Variants in TBC1D23 observed in about 807,000 individuals in gnomAD.
TBC1D23 encodes the protein HCV non-structural protein 4A-transactivated protein 1.
TBC1D23 carries 55 observed loss-of-function variants against 91.4 expected under a neutral mutation model. The ratio of observed to expected loss-of-function variants is 0.60; its 90% CI spans 0.48 to 0.75. The LOEUF (loss-of-function observed/expected upper bound fraction) is 0.75, where lower values mean the gene tolerates loss of function less well. Among genes scored for constraint, TBC1D23 ranks in the 30% least tolerant of loss-of-function variants. The probability of loss-of-function intolerance (pLI) is 0.00; values close to 1 mark genes in which losing one functional copy is unlikely to be tolerated. For missense variants in TBC1D23, 725 were observed against 836.1 expected (o/e 0.87, Z 1.64); for synonymous variants, 289 against 281.0 (o/e 1.03, Z -0.28).
chr3:100,311,071 C>T (rs1009301705), intron 14 of TBC1D23, among the ~76,000 whole-genome samples: 1 of 152,108 alleles, frequency 6.6e-6, no homozygotes, highest in Non-Finnish European at 1.5e-5. Context: ...TTAAAAATAT[C>T]TGTTATATAT....
At position 100,317,712 on chromosome 3, in the gene TBC1D23, T is replaced by C. The variant is rs921152411; in HGVS notation, c.1688-1357T>C. 2.1e-5 allele frequency among the ~76,000 whole-genome samples: 3 copies of C among 146,052 alleles called. No individual in the cohort carries two copies. The East Asian group carries it at 6.2e-4, about 30-fold the overall frequency. ...TCTCTTTCTGTTAACTCTCTGAATA[T>C]CTCAACTTCTTCCATTAACAAAGGG... On this transcript the variant is annotated intron_variant, in intron 16 of 18. Coordinates refer to ENST00000394144, the MANE Select transcript of TBC1D23 (RefSeq NM_001199198.3).
In TBC1D23 at chr3:100,319,116, G is replaced by A; in HGVS notation, c.1735G>A (p.Val579Ile). ...GTCAGATGATGATAGAAAAGAGGTT[G>A]TAAACATTCAGACTTGGATAAACAA... ...SMSDDDRKEV[V>I]NIQTWINKPD... Residue 579 changes from valine to isoleucine, a missense_variant, in exon 17 of 19, where the codon GTA (valine) becomes ATA (isoleucine). Coordinates refer to ENST00000394144, the MANE Select transcript of TBC1D23 (RefSeq NM_001199198.3). 1 of 1,598,390 alleles carries A rather than the reference G, an allele frequency of 6.3e-7. No individual in the cohort carries two copies. The highest frequency in any genetic ancestry group is 8.6e-7 in the Non-Finnish European group (1 of 1,168,620).
chr3:100,268,477 T>C (rs1281207057), intron 1 of TBC1D23, among the ~76,000 whole-genome samples: 1 of 152,252 alleles, frequency 6.6e-6, no homozygotes, highest in African/African-American at 2.4e-5. Context: ...GTCCAAATGT[T>C]GCAAAGTGTT....
At position 100,323,617 on chromosome 3, in the gene TBC1D23, T is replaced by C; in HGVS notation, c.2049T>C (p.Thr683=). Residue 683 remains threonine (T), a synonymous_variant, in exon 19 of 19, where the codon ACT becomes ACC. Transcript: ENST00000394144. ...TGATTCCAAATGCAGGGGATGCAAC[T>C]AAAGCCATAAAACAGCAGATCATGA... ...RYLIPNAGDA[T]KAIKQQIMKV... 2 of 1,536,348 alleles carry C rather than the reference T, an allele frequency of 1.3e-6. No individual in the cohort carries two copies. Among genetic ancestry groups the C allele is most frequent in the Non-Finnish European group, 1.8e-6 (2 of 1,142,188 alleles).
chr3:100,323,491 C>A, intron 18 of TBC1D23, 96 bp from the exon 19 acceptor site: 1 of 517,250 alleles, frequency 1.9e-6, no homozygotes, highest in African/African-American at 2.0e-5. Context: ...TGGAGGTGAC[C>A]TATCAGCTGA....
At chr3:100,294,771 A>G (rs995824820) in intron 5 of TBC1D23, among the ~76,000 whole-genome samples, 150 of 152,308 alleles carry the variant, frequency 9.8e-4, no homozygotes, top group African/African-American at 3.5e-3. Context: ...TGGCAAAGAT[A>G]TGTGCTAGTT....
intron 16 of TBC1D23, among the ~76,000 whole-genome samples, chr3:100,316,845 A>G (rs1705756703): frequency 6.6e-6 from 1 of 152,120 alleles, no homozygotes; most frequent in Admixed American, 6.5e-5. Context: ...TAATCCCAGC[A>G]CTTTGGGAGG....
At chr3:100,300,974 A>T (rs577298919) in intron 10 of TBC1D23, among the ~76,000 whole-genome samples, 1 of 152,184 alleles carries the variant, frequency 6.6e-6, no homozygotes, top group Non-Finnish European at 1.5e-5. Context: ...TGGTACATGT[A>T]GGTATACTAT....
intron 17 of TBC1D23, among the ~76,000 whole-genome samples, chr3:100,320,077 T>A (rs983839538): frequency 6.6e-6 from 1 of 152,188 alleles, no homozygotes; most frequent in East Asian, 1.9e-4. Context: ...TTGTCTGTTA[T>A]GTGTCTTTAG....
intron 12 of TBC1D23, among the ~76,000 whole-genome samples, chr3:100,305,143 G>A (rs1414462050): frequency 1.3e-5 from 2 of 152,136 alleles, no homozygotes; most frequent in African/African-American, 4.8e-5. Flanking sequence ...AAAGATGAAT[G>A]AAAAACTGCC....
intron 1 of TBC1D23, among the ~76,000 whole-genome samples, chr3:100,274,772 A>T (rs1322038142): frequency 6.7e-6 from 1 of 148,250 alleles, no homozygotes; most frequent in Non-Finnish European, 1.5e-5. Flanking sequence ...TATTATATAT[A>T]ATATATATTC....
chr3:100,292,492 A>G (rs185896458), intron 5 of TBC1D23, among the ~76,000 whole-genome samples: 189 of 152,358 alleles, frequency 1.2e-3, no homozygotes, highest in African/African-American at 4.4e-3. Flanking sequence ...GTTAACAATC[A>G]GGAAATGGGT....
intron 17 of TBC1D23, among the ~76,000 whole-genome samples, chr3:100,319,594 A>C (rs1461850105): frequency 6.6e-6 from 1 of 151,834 alleles, no homozygotes; most frequent in African/African-American, 2.4e-5. Flanking sequence ...ACCCCCGGCT[A>C]ATTTTGTATT....
intron 2 of TBC1D23, among the ~76,000 whole-genome samples, chr3:100,280,001 G>A (rs897967382): frequency 6.6e-6 from 1 of 152,110 alleles, no homozygotes; most frequent in Non-Finnish European, 1.5e-5. Context: ...TGGTGTTTAT[G>A]GGGCCAGGCA....
In TBC1D23 at chr3:100,298,058, A is replaced by C. The variant is rs1285749932; in HGVS notation, c.999+13A>C. The C allele has an allele frequency of 6.2e-7, 1 of 1,611,182 alleles. No individual in the cohort carries two copies. Among genetic ancestry groups the C allele is most frequent in the Non-Finnish European group, 8.5e-7 (1 of 1,178,656 alleles). On this transcript the variant is annotated intron_variant, in intron 9 of 18. Transcript: ENST00000394144. ...TCAGCTACAAGGGGTAAGTAAAGGA[A>C]ACCCAGTTTGTTAGGGGACTGTTCA...
chr3:100,285,203 T>C (rs1014008426), intron 4 of TBC1D23, among the ~76,000 whole-genome samples: 1 of 152,200 alleles, frequency 6.6e-6, no homozygotes, highest in African/African-American at 2.4e-5. Flanking sequence ...GTCACAGAGT[T>C]GTACAGCCAT....
chr3:100,267,999 C>T (rs6794668), intron 1 of TBC1D23, among the ~76,000 whole-genome samples: 37,244 of 151,756 alleles, frequency 0.25, 4,922 homozygotes, highest in East Asian at 0.49. Context: ...AGTGAGGCCT[C>T]GTCTTTACTA....
chr3:100,304,576 G>A (rs1038789272), intron 11 of TBC1D23, among the ~76,000 whole-genome samples: 32 of 152,018 alleles, frequency 2.1e-4, no homozygotes, highest in African/African-American at 7.2e-4. Flanking sequence ...TTTGACCATT[G>A]CACTATTGAA....
At chr3:100,290,107 C>A (rs2067776613) in intron 4 of TBC1D23, among the ~76,000 whole-genome samples, 1 of 152,258 alleles carries the variant, frequency 6.6e-6, no homozygotes, top group Admixed American at 6.5e-5. Flanking sequence ...TGGGCCGCTT[C>A]AACAGTTTTT....
Sources: gnomAD v4.1 joint callset for allele counts (sites outside exome capture counted in the v4.1 genomes callset) on GRCh38, gnomAD v4.1.1 for gene constraint, MANE v1.5 for transcripts, NCBI Gene and HGNC (gene_info 2026-07-23, HGNC 2026-07-21) for gene names.